The following RNF121 variants were observed in gnomAD, a reference collection of about 807,000 sequenced individuals.
RNF121 encodes the protein ring finger protein 121.
A neutral mutation model predicts 46.5 loss-of-function variants in RNF121; 21 were observed. That is an observed-to-expected ratio of 0.45 (90% CI 0.32 to 0.65). The LOEUF (loss-of-function observed/expected upper bound fraction) is 0.65. Among genes scored for constraint, RNF121 ranks in the 30% least tolerant of loss-of-function variants. The pLI is 0.04. For missense variants in RNF121, 346 were observed against 416.0 expected (o/e 0.83, Z 1.46); for synonymous variants, 139 against 144.7 (o/e 0.96, Z 0.28).
chr11:71,946,969 G>C (rs1362612209), intron 1 of RNF121, among the ~76,000 whole-genome samples: 1 of 146,284 alleles, frequency 6.8e-6, no homozygotes, highest in Admixed American at 7.2e-5. Flanking sequence ...CTGGGTTCCA[G>C]CAATTCTCCT....
chr11:71,962,694 A>G (rs1047094219), intron 3 of RNF121, among the ~76,000 whole-genome samples: 3 of 152,208 alleles, frequency 2.0e-5, no homozygotes, highest in Admixed American at 1.3e-4. Context: ...ATCTTTAGAA[A>G]ATAAGAAAAG....
At chr11:71,929,491 A>G (rs911155241) in intron 1 of RNF121, among the ~76,000 whole-genome samples, 8 of 152,082 alleles carry the variant, frequency 5.3e-5, no homozygotes, top group South Asian at 2.1e-4. Flanking sequence ...CTGGGCTTCT[A>G]CTGTGGGAGA....
At chr11:71,937,136 G>T (rs549009194) in intron 1 of RNF121, among the ~76,000 whole-genome samples, 1 of 152,240 alleles carries the variant, frequency 6.6e-6, no homozygotes, top group African/African-American at 2.4e-5. Context: ...ACTGCTTTCT[G>T]CTCCCGTAGC....
chr11:71,959,016 T>G (rs1376171460), intron 2 of RNF121, among the ~76,000 whole-genome samples: 1 of 152,200 alleles, frequency 6.6e-6, no homozygotes, highest in Non-Finnish European at 1.5e-5. Flanking sequence ...CTTAGCCTAT[T>G]CTCACAACAA....
In RNF121 at chr11:71,936,396, TTTTTTA is replaced by T. The variant is rs1461935601; in HGVS notation, c.63+7278_63+7283del. Among the ~76,000 whole-genome samples the T allele has an allele frequency of 3.0e-4, 3 of 10,050 alleles. No homozygotes were observed. The African/African-American group carries it at 5.2e-3, about 18-fold the overall frequency. The allele number at this position is 10,050 out of a possible 152,430, so 6.6% of individuals were successfully genotyped here. On this transcript the variant is annotated intron_variant, in intron 1 of 8. Transcript: ENST00000361756. ...CACCCTTGCTTTTTTTTCAGGTCAC[TTTTTTA>T]TTTTTTAGACAGAGTCTCGCTCTGT...
At chr11:71,979,246 C>T (rs1052681884) in intron 3 of RNF121, among the ~76,000 whole-genome samples, 1 of 152,078 alleles carries the variant, frequency 6.6e-6, no homozygotes, top group African/African-American at 2.4e-5. Flanking sequence ...CAAGCCAATC[C>T]CTTCCTCCAA....
intron 1 of RNF121, among the ~76,000 whole-genome samples, chr11:71,945,697 AT>A (rs1036002159): frequency 1.1e-4 from 17 of 152,240 alleles, no homozygotes; most frequent in African/African-American, 4.1e-4. Context: ...ACCATTTCAG[AT>A]CCACTAGGAT....
intron 4 of RNF121, 104 bp downstream of exon 4, chr11:71,983,019 T>A: frequency 8.3e-7 from 1 of 1,200,594 alleles, no homozygotes; most frequent in Non-Finnish European, 1.1e-6. Context: ...TGGTTTTGTC[T>A]GCCAAAATTA....
intron 1 of RNF121, among the ~76,000 whole-genome samples, chr11:71,931,012 T>C (rs1412388903): frequency 6.6e-6 from 1 of 152,106 alleles, no homozygotes; most frequent in Non-Finnish European, 1.5e-5. Context: ...TTTTGTATTT[T>C]TAGTAGAGAC....
chr11:71,977,102 T>A (rs1346239855), intron 3 of RNF121, among the ~76,000 whole-genome samples: 1 of 152,204 alleles, frequency 6.6e-6, no homozygotes, highest in African/African-American at 2.4e-5. Context: ...CAGCCTATTT[T>A]CAAGCTGATT....
chr11:71,980,090 T>A (rs1425053379), intron 3 of RNF121, among the ~76,000 whole-genome samples: 1 of 152,224 alleles, frequency 6.6e-6, no homozygotes, highest in Non-Finnish European at 1.5e-5. Flanking sequence ...GGGCATTATT[T>A]GGGTAGCCAT....
intron 3 of RNF121, among the ~76,000 whole-genome samples, chr11:71,974,221 G>A (rs1452909693): frequency 2.6e-5 from 4 of 152,270 alleles, no homozygotes; most frequent in Admixed American, 1.3e-4. Context: ...GATTACAGGC[G>A]TGAGCCACCA....
At chr11:71,954,160 A>G (rs943156184) in intron 1 of RNF121, among the ~76,000 whole-genome samples, 2 of 152,192 alleles carry the variant, frequency 1.3e-5, no homozygotes, top group East Asian at 1.9e-4. Flanking sequence ...CTTGGCCCCA[A>G]ATGAATAAAC....
intron 1 of RNF121, among the ~76,000 whole-genome samples, chr11:71,951,040 C>T (rs1256679108): frequency 6.6e-6 from 1 of 152,036 alleles, no homozygotes; most frequent in Non-Finnish European, 1.5e-5. Flanking sequence ...GCCTGACCAA[C>T]ATGGAGAAAC....
At chr11:71,985,011 T>C (rs1954745627) in intron 4 of RNF121, among the ~76,000 whole-genome samples, 1 of 152,174 alleles carries the variant, frequency 6.6e-6, no homozygotes, top group Admixed American at 6.5e-5. Flanking sequence ...AGCCTCATCC[T>C]CCTAGGCTCA....
intron 1 of RNF121, among the ~76,000 whole-genome samples, chr11:71,933,943 T>C (rs1010679021): frequency 3.9e-5 from 6 of 152,244 alleles, no homozygotes; most frequent in East Asian, 1.9e-4. Context: ...CCCGTGAGAA[T>C]TGAGTTATTG....
rs150457391 is a variant in RNF121 at position 71,960,825 on chromosome 11, C to T, written c.177C>T (p.Ile59=). Residue 59 remains isoleucine, a synonymous_variant, in exon 3 of 9, where the codon ATC becomes ATT. Coordinates refer to ENST00000361756, the MANE Select transcript of RNF121 (RefSeq NM_018320.5). ...ATGCTGAAATGGTCCTCATCCTCAT[C>T]GCAACCTTGGTGGTGGCCCAGCTGC... ...AMHAEMVLIL[I]ATLVVAQLLL... 117 of 1,614,182 alleles carry T rather than the reference C, an allele frequency of 7.2e-5. No individual in the cohort carries two copies. The highest frequency in any genetic ancestry group is 5.1e-4 in the African/African-American group (38 of 75,050).
chr11:71,954,940 C>T (rs1287675664), intron 1 of RNF121, among the ~76,000 whole-genome samples: 1 of 152,190 alleles, frequency 6.6e-6, no homozygotes, highest in African/African-American at 2.4e-5. Flanking sequence ...TTCAATTCCA[C>T]AAGTACTCAT....
chr11:71,964,058 G>A (rs1254161863), intron 3 of RNF121, among the ~76,000 whole-genome samples: 1 of 152,142 alleles, frequency 6.6e-6, no homozygotes, highest in Non-Finnish European at 1.5e-5. Context: ...AAAATCAGTT[G>A]GAATTTTGAT....
Sources: allele counts gnomAD v4.1 joint callset (sites outside exome capture counted in the v4.1 genomes callset), GRCh38; gene constraint gnomAD v4.1.1; transcripts MANE v1.5; gene names NCBI Gene and HGNC (gene_info 2026-07-23, HGNC 2026-07-21).